KIF6: variants seen among roughly 807,000 people sequenced by gnomAD.
The protein encoded by KIF6 is kinesin-like protein KIF6.
In KIF6, 106 loss-of-function variants were observed where a neutral mutation model predicts 112.7. The ratio of observed to expected loss-of-function variants is 0.94; its 90% CI spans 0.80 to 1.11. KIF6 has a LOEUF of 1.11. Ranked by LOEUF, KIF6 falls within the 50% of genes least tolerant of loss-of-function variation. The pLI, the probability that KIF6 is intolerant of heterozygous loss-of-function variation, is 0.00. For missense variants in KIF6, 929 were observed against 964.0 expected (o/e 0.96, Z 0.48); for synonymous variants, 339 against 339.9 (o/e 1.00, Z 0.03).
At chr6:39,431,461 G>A (rs1444225386) in intron 13 of KIF6, 10 of 274,754 alleles carry the variant, frequency 3.6e-5, no homozygotes, top group Non-Finnish European at 6.8e-5. Context: ...GCCCTGGACT[G>A]CCGAGGATGT....
At chr6:39,479,693 G>C (rs1457246630) in intron 13 of KIF6, among the ~76,000 whole-genome samples, 1 of 152,098 alleles carries the variant, frequency 6.6e-6, no homozygotes, top group Non-Finnish European at 1.5e-5. Flanking sequence ...TTGGCAGTAA[G>C]GTCATTTTCA....
At chr6:39,658,159 T>C (rs1276325683) in intron 3 of KIF6, among the ~76,000 whole-genome samples, 1 of 152,216 alleles carries the variant, frequency 6.6e-6, no homozygotes, top group Non-Finnish European at 1.5e-5. Flanking sequence ...AGGTTAAGCA[T>C]TGAGCTGGCA....
intron 13 of KIF6, among the ~76,000 whole-genome samples, chr6:39,436,071 T>A (rs1383091520): frequency 6.6e-6 from 1 of 152,214 alleles, no homozygotes; most frequent in Non-Finnish European, 1.5e-5. Context: ...TGGGGTAAGA[T>A]GGTATTTCAT....
intron 13 of KIF6, among the ~76,000 whole-genome samples, chr6:39,446,833 T>A (rs955725677): frequency 6.6e-6 from 1 of 152,212 alleles, no homozygotes; most frequent in African/African-American, 2.4e-5. Flanking sequence ...ACTGTACTTA[T>A]GTCTTTAATG....
chr6:39,461,933 T>A (rs1020952715), intron 13 of KIF6, among the ~76,000 whole-genome samples: 3 of 152,204 alleles, frequency 2.0e-5, no homozygotes, highest in Non-Finnish European at 4.4e-5. Flanking sequence ...AAGAAAGTTG[T>A]ATGTAATAGA....
chr6:39,510,783 G>T (rs1776733843), intron 13 of KIF6, among the ~76,000 whole-genome samples: 1 of 148,390 alleles, frequency 6.7e-6, no homozygotes, highest in Admixed American at 6.9e-5. Flanking sequence ...CCATTGGTGT[G>T]CTGTATTCAG....
intron 13 of KIF6, among the ~76,000 whole-genome samples, chr6:39,468,983 A>G (rs1287926641): frequency 6.6e-6 from 1 of 152,132 alleles, no homozygotes; most frequent in Non-Finnish European, 1.5e-5. Flanking sequence ...TAATGAAATG[A>G]CACCAGATTA....
In KIF6 at chr6:39,420,830, C is replaced by T. The variant is rs552242498; in HGVS notation, c.1755-827G>A. Among the ~76,000 whole-genome samples the T allele has an allele frequency of 2.6e-5, 4 of 151,970 alleles. No individual in the cohort carries two copies. The South Asian group carries it at 8.3e-4, about 32-fold the overall frequency. On this transcript the variant is annotated intron_variant, in intron 14 of 22. Coordinates refer to ENST00000287152, the MANE Select transcript of KIF6 (RefSeq NM_145027.6). ...TTTCACTTAGCATTGTAACATAAGT[C>T]CTTCCCTGTATTATGAGATGCATAC... is the stretch of plus-strand genomic sequence containing the variant.
intron 13 of KIF6, among the ~76,000 whole-genome samples, chr6:39,533,896 C>T (rs375106138): frequency 3.9e-5 from 6 of 152,306 alleles, no homozygotes; most frequent in South Asian, 4.1e-4. Flanking sequence ...GCAGCACTTG[C>T]GGTTCATGAA....
chr6:39,336,544 C>G lies in KIF6; in HGVS notation c.2433G>C (p.Leu811Phe). 1 of 1,614,002 alleles carries G rather than the reference C, an allele frequency of 6.2e-7. No individual in the cohort carries two copies. Among genetic ancestry groups the G allele is most frequent in the Non-Finnish European group, 8.5e-7 (1 of 1,179,908 alleles). ...ARQSILQKQC[L>F]GSN ...ATTTCCTGGAAATTCAATTGCTTCC[C>G]AAACCTGAAAGGGAGACAGGATGCT... The change falls in exon 23 of 23, where the codon TTG (leucine) becomes TTC (phenylalanine). Residue 811 changes from leucine (L) to phenylalanine (F), a missense_variant. Leu to Phe is a conservative substitution (Grantham distance 22). Around this residue, in one of 2 missense-constraint regions of KIF6, gnomAD observed 241 missense variants for 301.4 expected, o/e 0.80. Coordinates refer to ENST00000287152, the MANE Select transcript of KIF6 (RefSeq NM_145027.6).
At chr6:39,422,440 A>G (rs980960150) in intron 14 of KIF6, among the ~76,000 whole-genome samples, 2 of 152,166 alleles carry the variant, frequency 1.3e-5, no homozygotes, top group African/African-American at 4.8e-5. Context: ...CCTGAGCTAA[A>G]AAGGGCTTTC....
intron 18 of KIF6, among the ~76,000 whole-genome samples, 187 bp from the exon 19 acceptor site, chr6:39,357,561 G>A (rs973174470): frequency 1.3e-5 from 2 of 150,616 alleles, no homozygotes. Flanking sequence ...CAATTCTCCT[G>A]CCTCAGCCTC....
In KIF6 at chr6:39,415,301, T is replaced by TAAAAAAA. The variant is rs5875672; in HGVS notation, c.1810+4640_1810+4646dup. 2.6e-3 allele frequency among the ~76,000 whole-genome samples: 235 copies of TAAAAAAA among 89,152 alleles called. 1 individual carries two copies. Among genetic ancestry groups the TAAAAAAA allele is most frequent in the Middle Eastern group, 0.011 (1 of 92 alleles). 58.5% of individuals were successfully genotyped at this position (89,152 alleles called of 152,430 possible). A position where few individuals can be genotyped will look rare whatever the true frequency, so the allele number is the denominator to read the frequency against. On this transcript the variant is annotated intron_variant, in intron 15 of 22. Transcript: ENST00000287152. ...CGCCAATACAGAGATTTTTAAAATG[T>TAAAAAAA]AAAAAAAAAAAAAAAAAAAAAAAAG... is the stretch of plus-strand genomic sequence containing the variant.
At chr6:39,527,129 G>A (rs1475506416) in intron 13 of KIF6, among the ~76,000 whole-genome samples, 1 of 152,148 alleles carries the variant, frequency 6.6e-6, no homozygotes, top group Non-Finnish European at 1.5e-5. Flanking sequence ...TTGAGCAAGA[G>A]TAAAACAAAC....
chr6:39,371,210 A>G (rs1765954981), intron 16 of KIF6, among the ~76,000 whole-genome samples: 1 of 152,104 alleles, frequency 6.6e-6, no homozygotes, highest in Admixed American at 6.5e-5. Context: ...CCTCTACCAC[A>G]ACACTTGACA....
At chr6:39,570,200 T>C (rs533457810) in intron 10 of KIF6, among the ~76,000 whole-genome samples, 79 of 152,236 alleles carry the variant, frequency 5.2e-4, no homozygotes, top group African/African-American at 1.9e-3. Flanking sequence ...GGACTTGGAG[T>C]ATGAGAAAAA....
intron 3 of KIF6, among the ~76,000 whole-genome samples, chr6:39,712,080 TA>T (rs1789589289): frequency 6.6e-6 from 1 of 151,608 alleles, no homozygotes; most frequent in South Asian, 2.1e-4. Context: ...GGGAGTATAA[TA>T]AAGAGGAGAA....
intron 15 of KIF6, among the ~76,000 whole-genome samples, chr6:39,404,540 T>C (rs1054578153): frequency 6.6e-6 from 1 of 152,248 alleles, no homozygotes; most frequent in African/African-American, 2.4e-5. Context: ...ATCTATTCTT[T>C]TGCCAGTGTC....
At chr6:39,609,389 T>C (rs1020663113) in intron 6 of KIF6, among the ~76,000 whole-genome samples, 3 of 152,120 alleles carry the variant, frequency 2.0e-5, no homozygotes, top group Non-Finnish European at 4.4e-5. Flanking sequence ...ATATTATTGC[T>C]CCAGAATCCA....
Sources: gnomAD v4.1 joint callset for allele counts (sites outside exome capture counted in the v4.1 genomes callset) on GRCh38, gnomAD v4.1.1 for gene constraint, gnomAD v4.1.1 regional missense constraint, MANE v1.5 for transcripts, NCBI Gene and HGNC (gene_info 2026-07-23, HGNC 2026-07-21) for gene names.